The following MACF1 variants were observed in gnomAD, a reference collection of about 807,000 sequenced individuals.
MACF1 encodes the protein microtubule-actin cross-linking factor 1.
MACF1 carries 193 observed loss-of-function variants against 854.8 expected under a neutral mutation model. The observed-to-expected ratio is 0.23, with a 90% CI of 0.20 to 0.25. The LOEUF is 0.25. MACF1 is among the 10% of genes least tolerant of loss of function. MACF1 has a pLI of 1.00. For missense variants in MACF1, 7,722 were observed against 8,929.1 expected, an observed-to-expected ratio of 0.86 and a Z score of 5.45; for synonymous variants, 3,185 against 3,226.7, an observed-to-expected ratio of 0.99 and a Z score of 0.44.
At chr1:39,196,295 T>G (rs1226940329) in intron 2 of MACF1, among the ~76,000 whole-genome samples, 1 of 152,246 alleles carries the variant, frequency 6.6e-6, no homozygotes, top group Non-Finnish European at 1.5e-5. Context: ...TTTTCCTTAC[T>G]TTATTGTATT....
intron 36 of MACF1, among the ~76,000 whole-genome samples, chr1:39,330,009 A>C (rs899376889): frequency 3.9e-5 from 6 of 152,214 alleles, no homozygotes; most frequent in Admixed American, 6.5e-5. Flanking sequence ...CAAGTTACCT[A>C]AACTCTGTGC....
At chr1:39,390,983 C>A (rs183396051) in intron 58 of MACF1, among the ~76,000 whole-genome samples, 1 of 151,778 alleles carries the variant, frequency 6.6e-6, no homozygotes, top group Non-Finnish European at 1.5e-5. Flanking sequence ...TGGTGGCAGG[C>A]GCCTGTAGTC....
intron 22 of MACF1, 95 bp from the exon 23 acceptor site, chr1:39,302,829 T>C (rs1183440038): frequency 8.1e-7 from 1 of 1,242,000 alleles, no homozygotes; most frequent in African/African-American, 1.5e-5. Context: ...AGCAGATTTT[T>C]TTCTTAAGGA....
intron 2 of MACF1, among the ~76,000 whole-genome samples, chr1:39,119,807 C>A (rs549542107): frequency 1.3e-5 from 2 of 151,224 alleles, no homozygotes; most frequent in Non-Finnish European, 2.9e-5. Flanking sequence ...ATATTCTGTC[C>A]ATTTCATAGT....
chr1:39,268,998 G>C (rs928417079), intron 6 of MACF1: 2 of 1,287,236 alleles, frequency 1.6e-6, no homozygotes, highest in Admixed American at 4.6e-5. Context: ...ACGGGTAGTC[G>C]ATCGGGGGAT....
At chr1:39,465,794 T>TAGTGAATGA (rs1197860836) in intron 95 of MACF1, among the ~76,000 whole-genome samples, 1 of 152,196 alleles carries the variant, frequency 6.6e-6, no homozygotes, top group Non-Finnish European at 1.5e-5. Flanking sequence ...TGATATGAAA[T>TAGTGAATGA]TATAAACACT....
At chr1:39,434,034 C>T (rs930919161) in intron 68 of MACF1, among the ~76,000 whole-genome samples, 4 of 152,026 alleles carry the variant, frequency 2.6e-5, no homozygotes, top group Admixed American at 6.6e-5. Flanking sequence ...GAGCTGAGAT[C>T]GCGCCAGTGC....
chr1:39,371,888 A>T (rs1569764057), intron 51 of MACF1, among the ~76,000 whole-genome samples: 1 of 148,746 alleles, frequency 6.7e-6, no homozygotes, highest in African/African-American at 2.5e-5. Flanking sequence ...ATCTCGGCTC[A>T]CTGCAACCTC....
rs192383363 is a variant in MACF1 at position 39,144,269 on chromosome 1, C to T, written c.220+59831C>T. Among the ~76,000 whole-genome samples the T allele has an allele frequency of 5.0e-3, 754 of 151,774 alleles. 7 individuals carry two copies. The highest frequency in any genetic ancestry group is 0.017 in the African/African-American group (687 of 41,376). On this transcript the variant is annotated intron_variant, in intron 2 of 93. Transcript: ENST00000361689. The stretch of plus-strand genomic sequence containing the variant: ...CTAATTTTTGTATTTTTAGGAGAAG[C>T]GGGGTTTCACCATGTTGGCCAGGCT...
intron 67 of MACF1, 74 bp from the exon 68 acceptor site, chr1:39,432,974 A>G: frequency 1.1e-6 from 1 of 928,326 alleles, no homozygotes; most frequent in Non-Finnish European, 1.6e-6. Context: ...GCTTTTTCAT[A>G]GATTTTGTCT....
At chr1:39,426,186 T>G (rs1643720516) in intron 61 of MACF1, among the ~76,000 whole-genome samples, 1 of 152,218 alleles carries the variant, frequency 6.6e-6, no homozygotes, top group Non-Finnish European at 1.5e-5. Flanking sequence ...AGATATATTT[T>G]GAAGGCTGGC....
At chr1:39,090,610 G>A (rs1383051972) in intron 2 of MACF1, among the ~76,000 whole-genome samples, 2 of 152,200 alleles carry the variant, frequency 1.3e-5, no homozygotes, top group Non-Finnish European at 2.9e-5. Context: ...GACATCCTAG[G>A]TGACATAGAG....
intron 2 of MACF1, among the ~76,000 whole-genome samples, chr1:39,118,806 G>A (rs1287590630): frequency 2.0e-5 from 3 of 152,170 alleles, no homozygotes; most frequent in Non-Finnish European, 2.9e-5. Flanking sequence ...TGTTGCTGTC[G>A]TTAGTTACTT....
chr1:39,425,896 C>A (rs543104263), intron 61 of MACF1, among the ~76,000 whole-genome samples: 1 of 152,232 alleles, frequency 6.6e-6, no homozygotes, highest in East Asian at 1.9e-4. Flanking sequence ...TGACTCTTTC[C>A]TTCTACTTTA....
chr1:39,406,753 A>AC (rs1642724611), intron 58 of MACF1, among the ~76,000 whole-genome samples: 2 of 151,142 alleles, frequency 1.3e-5, no homozygotes, highest in Non-Finnish European at 2.9e-5. Context: ...AAAAAAAAAA[A>AC]AAAAACATTC....
At chr1:39,465,760 T>G (rs1644655426) in intron 95 of MACF1, among the ~76,000 whole-genome samples, 1 of 152,194 alleles carries the variant, frequency 6.6e-6, no homozygotes, top group African/African-American at 2.4e-5. Context: ...TGGAAGGAAG[T>G]TGCATGAGTA....
At chr1:39,290,264 C>T (rs766611894) in intron 15 of MACF1, among the ~76,000 whole-genome samples, 1 of 152,138 alleles carries the variant, frequency 6.6e-6, no homozygotes, top group Non-Finnish European at 1.5e-5. Flanking sequence ...ATCCAGTTTT[C>T]CCAGCACCAT....
chr1:39,365,848 G>T (rs917429227), intron 49 of MACF1, among the ~76,000 whole-genome samples: 2 of 151,856 alleles, frequency 1.3e-5, no homozygotes, highest in African/African-American at 4.8e-5. Flanking sequence ...GCTAATTTTT[G>T]TATTTTTAGC....
At position 39,420,496 on chromosome 1, in the gene MACF1, G is replaced by A. The variant is rs191220088; in HGVS notation, c.15817-1878G>A. ...CATTTTAACTGAACTGCTTTGTAATGTTGCCTAAGAAAATATGGTATAATC... is the reference window on the plus strand; with the variant it reads ...CATTTTAACTGAACTGCTTTGTAATATTGCCTAAGAAAATATGGTATAATC... On this transcript the variant is annotated intron_variant, in intron 58 of 100. Transcript: ENST00000564288. Among the ~76,000 whole-genome samples, 88 of 152,314 alleles carry A rather than the reference G, an allele frequency of 5.8e-4. 1 individual carries two copies. The highest frequency in any genetic ancestry group is 2.1e-3 in the African/African-American group (87 of 41,568).
Sources: allele counts gnomAD v4.1 joint callset (sites outside exome capture counted in the v4.1 genomes callset), GRCh38; gene constraint gnomAD v4.1.1; transcripts MANE v1.5; gene names NCBI Gene and HGNC (gene_info 2026-07-23, HGNC 2026-07-21).